The following PIEZO2 variants were observed in gnomAD, a reference collection of about 807,000 sequenced individuals.
PIEZO2 encodes the protein piezo type mechanosensitive ion channel component 2.
In PIEZO2, 172 loss-of-function variants were observed where a neutral mutation model predicts 337.3. The ratio of observed to expected loss-of-function variants is 0.51; its 90% CI spans 0.45 to 0.58. The LOEUF (loss-of-function observed/expected upper bound fraction) is 0.58, where lower values mean the gene tolerates loss of function less well. Among genes scored for constraint, PIEZO2 ranks in the 20% least tolerant of loss-of-function variants. PIEZO2 has a pLI of 0.00. For synonymous variants in PIEZO2, 1,251 were observed against 1,228.5 expected, an observed-to-expected ratio of 1.02 and a Z score of -0.38; for missense variants, 3,028 against 3,391.3, an observed-to-expected ratio of 0.89 and a Z score of 2.66.
chr18:10,934,189 T>C (rs893762774), intron 3 of PIEZO2, among the ~76,000 whole-genome samples: 1 of 152,154 alleles, frequency 6.6e-6, no homozygotes, highest in African/African-American at 2.4e-5. Context: ...AGTGCTTTCA[T>C]ACAAAAAAGG....
intron 37 of PIEZO2, 63 bp from the exon 38 acceptor site, chr18:10,715,879 T>C (rs144677332): frequency 3.1e-5 from 42 of 1,338,578 alleles, no homozygotes; most frequent in Non-Finnish European, 4.0e-5. Context: ...TACTTTTGTG[T>C]AGCCCAGCGA....
chr18:10,797,449 G>GA lies in PIEZO2; in HGVS notation c.1451dup (p.Lys485GlnfsTer80). On this transcript the variant is annotated frameshift_variant, in exon 12 of 56. Coordinates refer to ENST00000674853, the MANE Select transcript of PIEZO2 (RefSeq NM_001378183.1). LOFTEE classifies it high-confidence loss of function. ...ATACGGAGACCATGGCATGAACTTT[G>GA]ATACTTCTTTTTTCCTCACGGCTCC... 6.5e-7 allele frequency: 1 copy of GA among 1,537,096 alleles called. No homozygotes were observed. Among genetic ancestry groups the GA allele is most frequent in the Non-Finnish European group, 8.7e-7 (1 of 1,146,872 alleles).
chr18:10,919,756 A>C (rs2031263117), intron 3 of PIEZO2, among the ~76,000 whole-genome samples: 1 of 152,158 alleles, frequency 6.6e-6, no homozygotes, highest in Non-Finnish European at 1.5e-5. Flanking sequence ...ATCCTTGACT[A>C]CAAGATTTCT....
chr18:11,066,805 G>A (rs985123829), intron 1 of PIEZO2, among the ~76,000 whole-genome samples: 2 of 152,162 alleles, frequency 1.3e-5, no homozygotes, highest in Admixed American at 1.3e-4. Context: ...TCGCCATGTT[G>A]GCCAGGCTGG....
chr18:11,019,943 G>T (rs377301085), intron 2 of PIEZO2, among the ~76,000 whole-genome samples: 3 of 152,302 alleles, frequency 2.0e-5, no homozygotes, highest in East Asian at 3.9e-4. Flanking sequence ...AGTACTGGAG[G>T]CTGTGCCGAG....
intron 2 of PIEZO2, among the ~76,000 whole-genome samples, chr18:11,024,634 G>A (rs2036463572): frequency 2.0e-5 from 3 of 151,822 alleles, no homozygotes; most frequent in African/African-American, 7.3e-5. Flanking sequence ...GTCTATTTAA[G>A]GTTTTGTTTT....
chr18:11,072,536 C>G (rs1598915427), intron 1 of PIEZO2, among the ~76,000 whole-genome samples: 2 of 152,160 alleles, frequency 1.3e-5, no homozygotes, highest in Non-Finnish European at 1.5e-5. Context: ...GTGCATGTAA[C>G]TATTCATTTA....
chr18:10,812,367 G>T (rs898538927), intron 7 of PIEZO2, among the ~76,000 whole-genome samples: 1 of 152,142 alleles, frequency 6.6e-6, no homozygotes, highest in African/African-American at 2.4e-5. Context: ...CGGGACACCG[G>T]GGCCTACTTG....
At chr18:10,957,238 A>T (rs971718304) in intron 3 of PIEZO2, among the ~76,000 whole-genome samples, 19 of 152,132 alleles carry the variant, frequency 1.2e-4, no homozygotes, top group African/African-American at 3.6e-4. Context: ...CTCTACTAAA[A>T]ATACAAAAAT....
At chr18:10,791,130 T>C in intron 14 of PIEZO2, 71 bp downstream of exon 14, 1 of 1,390,176 alleles carries the variant, frequency 7.2e-7, no homozygotes, top group Non-Finnish European at 9.5e-7. Context: ...CTGTCTGATG[T>C]ATTTTGGGGC....
rs1419415057 is a variant in PIEZO2, at chr18:11,048,927, T to A, written c.160+17200A>T. ...GCTATTTCCTGTGAATCAACTCAAA[T>A]TCAAATGGGTCTGTTTAGGCAAAAT... On this transcript the variant is annotated intron_variant, in intron 2 of 55. Coordinates refer to ENST00000674853, the MANE Select transcript of PIEZO2 (RefSeq NM_001378183.1). This position sits in a 1 kb window ranked among gnomAD's most constrained non-coding sequence, Gnocchi z 4.5. 2.6e-5 allele frequency among the ~76,000 whole-genome samples: 4 copies of A among 152,194 alleles called. No homozygotes were observed. The highest frequency in any genetic ancestry group is 1.9e-4 in the East Asian group (1 of 5,194).
intron 40 of PIEZO2, among the ~76,000 whole-genome samples, chr18:10,706,322 C>T (rs2035584342): frequency 6.6e-6 from 1 of 152,174 alleles, no homozygotes; most frequent in African/African-American, 2.4e-5. Flanking sequence ...TTCTTCCACC[C>T]TGCTTTTCCA....
chr18:11,136,611 A>C (rs1374708133), intron 1 of PIEZO2, among the ~76,000 whole-genome samples: 1 of 152,210 alleles, frequency 6.6e-6, no homozygotes, highest in Non-Finnish European at 1.5e-5. Context: ...ATTTAGTTTG[A>C]AAAATATTTA....
Position 10,744,246 on chromosome 18 carries a change from G to C in PIEZO2, c.4425-15C>G. ...GTTCAGCTCCTCTAAAGGGAAAGTG[G>C]AAACATGAACAAGTCAATATTCTTG... On this transcript the variant is annotated splice_polypyrimidine_tract_variant and intron_variant, in intron 30 of 55. Transcript: ENST00000674853. 1.4e-6 allele frequency: 2 copies of C among 1,456,734 alleles called. No individual in the cohort carries two copies. The highest frequency in any genetic ancestry group is 2.4e-5 in the South Asian group (2 of 82,238). The allele number at this position is 1,456,734 out of a possible 1,614,324, so 90.2% of individuals were successfully genotyped here.
rs536289491 is a variant in PIEZO2, at chr18:10,916,587, C to T, written c.287-5359G>A. 7.9e-5 allele frequency among the ~76,000 whole-genome samples: 12 copies of T among 152,248 alleles called. No individual in the cohort carries two copies. In the South Asian group the frequency reaches 1.7e-3, roughly 21 times the overall value. On this transcript the variant is annotated intron_variant, in intron 3 of 55. Transcript: ENST00000674853. Reference sequence around the variant, plus strand: ...AGCAGGCCGCTCTGAGTGTGGGGTCCGTGAGGCCGCGCCCATCTAGAACTC... The same window carrying T: ...AGCAGGCCGCTCTGAGTGTGGGGTCTGTGAGGCCGCGCCCATCTAGAACTC...
chr18:10,983,273 G>A (rs149246078), intron 2 of PIEZO2, among the ~76,000 whole-genome samples: 73 of 152,192 alleles, frequency 4.8e-4, no homozygotes, highest in African/African-American at 1.6e-3. Flanking sequence ...GAATATTTTT[G>A]TGGGAGCCCC....
chr18:10,758,163 C>T (rs1460896023), intron 26 of PIEZO2, 29 bp from the exon 27 acceptor site: 1 of 1,531,288 alleles, frequency 6.5e-7, no homozygotes, highest in Admixed American at 2.0e-5. Context: ...GATCATTAAG[C>T]CGCCTCATCC....
chr18:10,888,572 C>T lies in PIEZO2; in HGVS notation c.330-17157G>A, dbSNP rs147316126. 6.8e-3 allele frequency among the ~76,000 whole-genome samples: 1,041 copies of T among 152,184 alleles called. 29 individuals are homozygous for T. The South Asian group carries it at 0.083, about 12-fold the overall frequency. On this transcript the variant is annotated intron_variant, in intron 4 of 55. Transcript: ENST00000674853. This position sits in a 1 kb window ranked among gnomAD's most constrained non-coding sequence, Gnocchi z 4.1. ...TCCTTTGCATATATTTCCACACACA[C>T]GCATATGCCTTTACAACTATTTCCA...
At position 10,872,498 on chromosome 18, in the gene PIEZO2, G is replaced by A. The variant is rs549565061; in HGVS notation, c.330-1083C>T. Among the ~76,000 whole-genome samples the A allele has an allele frequency of 2.0e-4, 30 of 152,292 alleles. No homozygotes were observed. The South Asian group carries it at 3.7e-3, about 19-fold the overall frequency. ...CAGCACACATCACCTCAGCTGAAAT[G>A]TGTTCTGGCTAAGCTCACTCTGCTG... On this transcript the variant is annotated intron_variant, in intron 4 of 55. Coordinates refer to ENST00000674853, the MANE Select transcript of PIEZO2 (RefSeq NM_001378183.1). The surrounding 1 kb of genome is among the most constrained non-coding windows in gnomAD (Gnocchi z 4.3).
Sources: gnomAD v4.1 joint callset for allele counts (sites outside exome capture counted in the v4.1 genomes callset) on GRCh38, gnomAD v4.1.1 for gene constraint, Gnocchi (gnomAD v3.1) non-coding constraint, MANE v1.5 for transcripts, NCBI Gene and HGNC (gene_info 2026-07-23, HGNC 2026-07-21) for gene names.